EXOC5: variants seen among roughly 807,000 people sequenced by gnomAD.
EXOC5 encodes exocyst complex component 5, also known as SEC10-like 1.
EXOC5 carries 17 observed loss-of-function variants against 90.8 expected under a neutral mutation model. The observed-to-expected ratio is 0.19, with a 90% CI of 0.13 to 0.28. The LOEUF (loss-of-function observed/expected upper bound fraction) is 0.28, where lower values mean the gene tolerates loss of function less well. Ranked by LOEUF, EXOC5 falls within the 10% of genes least tolerant of loss-of-function variation. The pLI, the probability that EXOC5 is intolerant of heterozygous loss-of-function variation, is 1.00. For synonymous variants in EXOC5, 260 were observed against 270.0 expected (o/e 0.96, Z 0.36); for missense variants, 569 against 830.6 (o/e 0.69, Z 3.87).
intron 17 of EXOC5, 36 bp from the exon 18 acceptor site, chr14:57,208,833 A>G: frequency 1.4e-6 from 2 of 1,402,482 alleles, no homozygotes; most frequent in Non-Finnish European, 2.0e-6. Context: ...ACATTGAAAC[A>G]AAACAATTTC....
intron 12 of EXOC5, among the ~76,000 whole-genome samples, chr14:57,224,094 C>G (rs929109873): frequency 6.6e-6 from 1 of 151,874 alleles, no homozygotes. Context: ...ACAAAACACC[C>G]GCATTAGATT....
At chr14:57,219,490 C>G in intron 13 of EXOC5, 48 bp from the exon 14 acceptor site, 2 of 1,452,596 alleles carry the variant, frequency 1.4e-6, no homozygotes, top group Non-Finnish European at 9.2e-7. Context: ...TGAAGAAATT[C>G]ATCTTGGCAA....
intron 3 of EXOC5, among the ~76,000 whole-genome samples, chr14:57,246,021 G>C (rs1234031670): frequency 6.6e-6 from 1 of 151,934 alleles, no homozygotes; most frequent in African/African-American, 2.4e-5. Flanking sequence ...CTGCACTCCA[G>C]CCTGGGCGAC....
chr14:57,219,108 TA>T (rs1352737405), intron 14 of EXOC5, among the ~76,000 whole-genome samples: 2 of 152,068 alleles, frequency 1.3e-5, no homozygotes, highest in Non-Finnish European at 2.9e-5. Flanking sequence ...CCAAAATTAA[TA>T]ATATAGTGGA....
chr14:57,220,888 T>C (rs1883118103), intron 13 of EXOC5, among the ~76,000 whole-genome samples: 1 of 152,194 alleles, frequency 6.6e-6, no homozygotes, highest in African/African-American at 2.4e-5. Context: ...GTTTTACTTT[T>C]CTTCATTGCA....
intron 9 of EXOC5, chr14:57,233,322 A>G (rs1424009603): frequency 6.4e-6 from 1 of 155,588 alleles, no homozygotes; most frequent in Non-Finnish European, 1.4e-5. Flanking sequence ...AAGTACAGTG[A>G]TATGGGGGTA....
chr14:57,263,616 A>G (rs1350968939), intron 1 of EXOC5, among the ~76,000 whole-genome samples: 2 of 151,728 alleles, frequency 1.3e-5, no homozygotes, highest in African/African-American at 4.8e-5. Context: ...AAATAAAAAA[A>G]TTAGCTGGGC....
chr14:57,230,302 G>T (rs752353076), intron 11 of EXOC5, among the ~76,000 whole-genome samples: 1 of 152,076 alleles, frequency 6.6e-6, no homozygotes, highest in Non-Finnish European at 1.5e-5. Flanking sequence ...TATTAAAGAA[G>T]ATATATTAAA....
chr14:57,261,302 T>C (rs181427720), intron 1 of EXOC5, among the ~76,000 whole-genome samples: 1 of 152,320 alleles, frequency 6.6e-6, no homozygotes, highest in East Asian at 1.9e-4. Flanking sequence ...ACACCTCAAC[T>C]ATCTAATTTC....
rs1191491733 is a variant in EXOC5, at chr14:57,201,458, A to C, written c.*7151T>G. ...CACACACACGTGTGTATATATACAC[A>C]CGCGTGTATATGTACACACACGTGT... On this transcript the variant is annotated 3_prime_UTR_variant, in exon 18 of 18. Transcript: ENST00000621441. 1 of 146,818 alleles carries C rather than the reference A, an allele frequency of 6.8e-6. No individual in the cohort carries two copies. Among genetic ancestry groups the C allele is most frequent in the Non-Finnish European group, 1.5e-5 (1 of 67,352 alleles). 9.1% of individuals were successfully genotyped at this position (146,818 alleles called of 1,614,324 possible). A position where few individuals can be genotyped will look rare whatever the true frequency, so the allele number is the denominator to read the frequency against.
At chr14:57,221,554 C>T (rs1231676707) in intron 13 of EXOC5, among the ~76,000 whole-genome samples, 2 of 152,062 alleles carry the variant, frequency 1.3e-5, no homozygotes, top group Non-Finnish European at 2.9e-5. Flanking sequence ...ATGAATTTGA[C>T]TTATGCCTGG....
At chr14:57,223,988 C>T (rs1162371438) in intron 12 of EXOC5, among the ~76,000 whole-genome samples, 1 of 151,876 alleles carries the variant, frequency 6.6e-6, no homozygotes, top group Non-Finnish European at 1.5e-5. Flanking sequence ...AAATCAAAAG[C>T]AACATTAAAA....
Position 57,208,812 on chromosome 14 carries a change from G to A in EXOC5, c.1939-15C>T, listed in dbSNP as rs1566723328. 8.0e-6 allele frequency: 12 copies of A among 1,505,622 alleles called. No homozygotes were observed. In the Admixed American group the frequency reaches 9.4e-5, roughly 12 times the overall value. The allele number at this position is 1,505,622 out of a possible 1,614,324, so 93.3% of individuals were successfully genotyped here. A position where few individuals can be genotyped will look rare whatever the true frequency, so the allele number is the denominator to read the frequency against. On this transcript the variant is annotated splice_polypyrimidine_tract_variant and intron_variant, in intron 17 of 17. Coordinates refer to ENST00000621441, the MANE Select transcript of EXOC5 (RefSeq NM_006544.4). ...ACCATTGGAATCTGAATTGAGAGAA[G>A]AAAAAAAGTAACATTGAAACAAAAC...
At chr14:57,208,877 C>T (rs1028319593) in intron 17 of EXOC5, 80 bp from the exon 18 acceptor site, 1 of 940,322 alleles carries the variant, frequency 1.1e-6, no homozygotes, top group African/African-American at 1.6e-5. Flanking sequence ...TTTTTACATA[C>T]TGTCAGGTGG....
chr14:57,267,874 T>C (rs1884729790), intron 1 of EXOC5, among the ~76,000 whole-genome samples: 1 of 152,200 alleles, frequency 6.6e-6, no homozygotes, highest in African/African-American at 2.4e-5. Context: ...ATGCATATAA[T>C]ACACTTAAGG....
intron 7 of EXOC5, among the ~76,000 whole-genome samples, chr14:57,234,510 CGT>C (rs375548706): frequency 0.024 from 3,183 of 130,466 alleles, 120 homozygotes; most frequent in Admixed American, 0.11. Context: ...TGTATATATA[CGT>C]GTGTGTGTGT....
intron 13 of EXOC5, among the ~76,000 whole-genome samples, chr14:57,221,543 C>T (rs1384739360): frequency 6.6e-6 from 1 of 152,114 alleles, no homozygotes; most frequent in African/African-American, 2.4e-5. Flanking sequence ...GAGAAGAGTA[C>T]ATGAATTTGA....
At chr14:57,213,696 C>T (rs751359289) in intron 15 of EXOC5, among the ~76,000 whole-genome samples, 10 of 151,966 alleles carry the variant, frequency 6.6e-5, no homozygotes, top group Admixed American at 1.3e-4. Flanking sequence ...AGGCTGAGTG[C>T]AGTAGTTCAC....
At chr14:57,217,200 T>C (rs1883000596) in intron 15 of EXOC5, among the ~76,000 whole-genome samples, 1 of 152,108 alleles carries the variant, frequency 6.6e-6, no homozygotes, top group African/African-American at 2.4e-5. Context: ...AGTACAGAAA[T>C]TCCTCAAAAA....
Sources: gnomAD v4.1 joint callset for allele counts (sites outside exome capture counted in the v4.1 genomes callset) on GRCh38, gnomAD v4.1.1 for gene constraint, MANE v1.5 for transcripts, NCBI Gene and HGNC (gene_info 2026-07-23, HGNC 2026-07-21) for gene names.